The following AKAP13 variants were observed in gnomAD, a reference collection of about 807,000 sequenced individuals.
AKAP13 encodes the protein A-kinase anchoring protein 13.
In AKAP13, 80 loss-of-function variants were observed where a neutral mutation model predicts 264.5. The ratio of observed to expected loss-of-function variants is 0.30; its 90% confidence interval spans 0.25 to 0.36. The LOEUF (loss-of-function observed/expected upper bound fraction) is 0.36, where lower values mean the gene tolerates loss of function less well. Ranked by LOEUF, AKAP13 falls within the 10% of genes least tolerant of loss-of-function variation. The pLI is 1.00. For synonymous variants in AKAP13, 1,380 were observed against 1,250.2 expected, an observed-to-expected ratio of 1.10 and a Z score of -2.19; for missense variants, 3,712 against 3,435.2, an observed-to-expected ratio of 1.08 and a Z score of -2.01.
At chr15:85,719,645 A>T (rs72750161) in intron 23 of AKAP13, among the ~76,000 whole-genome samples, 1 of 152,238 alleles carries the variant, frequency 6.6e-6, no homozygotes, top group Non-Finnish European at 1.5e-5. Context: ...TTAAGAAATC[A>T]ATTAATATGG....
chr15:85,381,886 C>T (rs2070298465), intron 1 of AKAP13: 1 of 152,030 alleles, frequency 6.6e-6, no homozygotes, highest in Admixed American at 6.5e-5. Flanking sequence ...TTTTTCTGAA[C>T]TGTTGGATTG....
chr15:85,478,279 T>C (rs2075240874), intron 1 of AKAP13, among the ~76,000 whole-genome samples: 1 of 152,300 alleles, frequency 6.6e-6, no homozygotes, highest in South Asian at 2.1e-4. Flanking sequence ...CAGGCACATA[T>C]TATAAATATA....
intron 1 of AKAP13, among the ~76,000 whole-genome samples, chr15:85,449,324 T>C (rs1027509437): frequency 2.0e-5 from 3 of 152,230 alleles, no homozygotes; most frequent in African/African-American, 7.2e-5. Context: ...AAGGAGCTTT[T>C]GGGCCAAGAC....
At chr15:85,688,956 G>C (rs973137386) in intron 16 of AKAP13, among the ~76,000 whole-genome samples, 6 of 152,156 alleles carry the variant, frequency 3.9e-5, no homozygotes, top group African/African-American at 1.4e-4. Context: ...ACACTCATAT[G>C]CATGGTGTTC....
chr15:85,599,859 G>T (rs960283269), intron 8 of AKAP13, among the ~76,000 whole-genome samples: 2 of 152,100 alleles, frequency 1.3e-5, no homozygotes, highest in African/African-American at 4.8e-5. Context: ...AACAAAGTGA[G>T]ACCCCATCTC....
chr15:85,495,141 T>G (rs1321642570), intron 2 of AKAP13, among the ~76,000 whole-genome samples: 2 of 152,248 alleles, frequency 1.3e-5, no homozygotes, highest in Non-Finnish European at 2.9e-5. Flanking sequence ...TACTTAGAGA[T>G]TCCTCAAGAG....
chr15:85,417,713 C>T (rs1041578331), intron 1 of AKAP13, among the ~76,000 whole-genome samples: 4 of 152,134 alleles, frequency 2.6e-5, no homozygotes, highest in African/African-American at 9.7e-5. Flanking sequence ...TCTAAGTGCT[C>T]ATTTATCCTC....
intron 27 of AKAP13, 137 bp downstream of exon 27, chr15:85,726,623 C>T (rs1480295366): frequency 4.3e-6 from 3 of 696,776 alleles, no homozygotes; most frequent in Admixed American, 3.3e-5. Flanking sequence ...TAATTTCCCA[C>T]ATGCCCTCAG....
chr15:85,560,966 C>G (rs1192830536), intron 5 of AKAP13, among the ~76,000 whole-genome samples: 3 of 151,434 alleles, frequency 2.0e-5, no homozygotes, highest in Non-Finnish European at 4.4e-5. Flanking sequence ...AAAGTCTCTG[C>G]AGGAGCTTTA....
At chr15:85,620,677 G>T (rs1380292579) in intron 8 of AKAP13, among the ~76,000 whole-genome samples, 1 of 152,134 alleles carries the variant, frequency 6.6e-6, no homozygotes. Flanking sequence ...TCTTTTGGAA[G>T]GATTTCCAAT....
chr15:85,728,171 C>G (rs2087734481), intron 29 of AKAP13, among the ~76,000 whole-genome samples: 1 of 152,136 alleles, frequency 6.6e-6, no homozygotes, highest in African/African-American at 2.4e-5. Flanking sequence ...AATTCTATTC[C>G]CTGTCTTAGC....
intron 1 of AKAP13, among the ~76,000 whole-genome samples, chr15:85,409,230 T>C (rs2071824415): frequency 6.6e-6 from 1 of 151,794 alleles, no homozygotes; most frequent in South Asian, 2.1e-4. Context: ...TAGCCTGGAG[T>C]GCATAGGCAC....
intron 2 of AKAP13, among the ~76,000 whole-genome samples, chr15:85,496,424 C>T (rs962908598): frequency 2.0e-5 from 3 of 152,122 alleles, no homozygotes; most frequent in Non-Finnish European, 4.4e-5. Context: ...GACGAGCATG[C>T]AAACGGAGAT....
chr15:85,518,486 G>A (rs2076689423), intron 2 of AKAP13, among the ~76,000 whole-genome samples: 1 of 152,012 alleles, frequency 6.6e-6, no homozygotes, highest in Non-Finnish European at 1.5e-5. Context: ...GAATATTTTG[G>A]GCATAAGGTA....
intron 8 of AKAP13, among the ~76,000 whole-genome samples, chr15:85,587,675 G>A (rs2079416818): frequency 1.3e-5 from 2 of 151,720 alleles, no homozygotes; most frequent in South Asian, 4.2e-4. Context: ...TTGAGATGAA[G>A]TCTTACTGTC....
intron 5 of AKAP13, among the ~76,000 whole-genome samples, chr15:85,562,085 C>T (rs1046877529): frequency 6.6e-6 from 1 of 151,958 alleles, no homozygotes; most frequent in East Asian, 1.9e-4. Context: ...CTGCAAATTA[C>T]GGTAATAATA....
In AKAP13 at chr15:85,718,901, AAAAAAAAC is replaced by A. The variant is rs766548018; in HGVS notation, c.6002-158_6002-151del. ...GTGACAGAGCCAGAACCTGTCTTAA[AAAAAAAAC>A]AAAAAAACAAAAAAACGAGAACACT... On this transcript the variant is annotated intron_variant, in intron 22 of 36. Coordinates refer to ENST00000394518, the MANE Select transcript of AKAP13 (RefSeq NM_007200.5). The surrounding 1 kb of genome is among the most constrained non-coding windows in gnomAD (Gnocchi z 4.9). 427 of 907,024 alleles carry A rather than the reference AAAAAAAAC, an allele frequency of 4.7e-4. 1 individual carries two copies. The Middle Eastern group carries it at 8.9e-3, about 19-fold the overall frequency. The allele number at this position is 907,024 out of a possible 1,614,324, so 56.2% of individuals were successfully genotyped here. A position where few individuals can be genotyped will look rare whatever the true frequency, so the allele number is the denominator to read the frequency against.
chr15:85,498,551 G>T (rs1194123274), intron 2 of AKAP13, among the ~76,000 whole-genome samples: 1 of 151,916 alleles, frequency 6.6e-6, no homozygotes, highest in East Asian at 1.9e-4. Context: ...ATCTCTGCAC[G>T]TGAGGATGGT....
chr15:85,689,824 G>T (rs887203121), intron 16 of AKAP13: 1 of 152,242 alleles, frequency 6.6e-6, no homozygotes, highest in Non-Finnish European at 1.5e-5. Flanking sequence ...TGTAACAAGG[G>T]TTGTTGGCTT....
Sources: gnomAD v4.1 joint callset for allele counts (sites outside exome capture counted in the v4.1 genomes callset) on GRCh38, gnomAD v4.1.1 for gene constraint, Gnocchi (gnomAD v3.1) non-coding constraint, MANE v1.5 for transcripts, NCBI Gene and HGNC (gene_info 2026-07-23, HGNC 2026-07-21) for gene names.